Variants in NHSL1 observed in about 807,000 individuals in gnomAD.
NHSL1 encodes the protein NHS-like protein 1.
A neutral mutation model predicts 95.0 loss-of-function variants in NHSL1; 48 were observed. The ratio of observed to expected loss-of-function variants is 0.51; its 90% CI spans 0.40 to 0.64. NHSL1 has a LOEUF of 0.64. Among genes scored for constraint, NHSL1 ranks in the 30% least tolerant of loss-of-function variants. The probability of loss-of-function intolerance (pLI) is 0.00; values close to 1 mark genes in which losing one functional copy is unlikely to be tolerated. For missense variants in NHSL1, 1,971 were observed against 2,077.7 expected, an observed-to-expected ratio of 0.95 and a Z score of 1.00; for synonymous variants, 783 against 833.9, an observed-to-expected ratio of 0.94 and a Z score of 1.05.
intron 2 of NHSL1, among the ~76,000 whole-genome samples, chr6:138,489,419 T>C (rs1779898872): frequency 6.6e-6 from 1 of 152,072 alleles, no homozygotes. Flanking sequence ...AAGTCAGGAT[T>C]GGAATTTAGA....
chr6:138,476,957 TAAAAAAAAAAAAA>T (rs58311101), intron 2 of NHSL1, among the ~76,000 whole-genome samples: 62 of 100,542 alleles, frequency 6.2e-4, no homozygotes, highest in African/African-American at 8.6e-4. Context: ...TCCCTGAATC[TAAAAAAAAAAAAA>T]AAAAAAAAAA....
At chr6:138,589,640 C>T (rs76806979) in intron 1 of NHSL1, among the ~76,000 whole-genome samples, 3,398 of 152,268 alleles carry the variant, frequency 0.022, 47 homozygotes, top group East Asian at 0.079. Flanking sequence ...CTCATCTATG[C>T]CTTCCCTGTC....
At chr6:138,693,101 G>C (rs1173025233), upstream of NHSL1, among the ~76,000 whole-genome samples, 2 of 151,548 alleles carry the variant, frequency 1.3e-5, no homozygotes, top group African/African-American at 4.8e-5. The surrounding 1 kb of genome is among the most constrained non-coding windows in gnomAD (Gnocchi z 4.3). Flanking sequence ...CCGCGGCGGC[G>C]AGGGGAGCCG....
intron 1 of NHSL1, among the ~76,000 whole-genome samples, chr6:138,660,754 G>C (rs1218460428): frequency 1.3e-5 from 2 of 150,206 alleles, no homozygotes; most frequent in Non-Finnish European, 1.5e-5. Flanking sequence ...CCAGGAGTTT[G>C]AGACCAGCCT....
intron 1 of NHSL1, among the ~76,000 whole-genome samples, chr6:138,586,227 T>C (rs867231772): frequency 6.6e-6 from 1 of 152,000 alleles, no homozygotes; most frequent in African/African-American, 2.4e-5. Flanking sequence ...CCCAAATAGC[T>C]GGAATTACAG....
intron 2 of NHSL1, among the ~76,000 whole-genome samples, chr6:138,475,114 A>G (rs1336279113): frequency 4.7e-5 from 7 of 149,612 alleles, no homozygotes; most frequent in Non-Finnish European, 4.4e-5. Flanking sequence ...GCACCACTAC[A>G]CTCCAGCCTG....
At chr6:138,540,305 C>T (rs1050262622) in intron 1 of NHSL1, among the ~76,000 whole-genome samples, 5 of 152,134 alleles carry the variant, frequency 3.3e-5, no homozygotes, top group African/African-American at 1.2e-4. Context: ...TGCAATATTC[C>T]CAGGGTTGCT....
At chr6:138,612,151 A>G (rs1296418802) in intron 1 of NHSL1, among the ~76,000 whole-genome samples, 1 of 151,578 alleles carries the variant, frequency 6.6e-6, no homozygotes, top group East Asian at 1.9e-4. Flanking sequence ...ACTCTTGTAT[A>G]CATACTGCTG....
chr6:138,585,275 A>G (rs946496436), intron 1 of NHSL1, among the ~76,000 whole-genome samples: 9 of 152,298 alleles, frequency 5.9e-5, no homozygotes, highest in African/African-American at 1.9e-4. Flanking sequence ...AATATTTCCC[A>G]TCAGGGAGAT....
At chr6:138,615,133 C>T (rs1304279546) in intron 1 of NHSL1, among the ~76,000 whole-genome samples, 2 of 152,126 alleles carry the variant, frequency 1.3e-5, no homozygotes, top group African/African-American at 4.8e-5. Flanking sequence ...AACCTCAGGC[C>T]CCACAGGCTG....
intron 1 of NHSL1, among the ~76,000 whole-genome samples, chr6:138,515,262 G>A (rs910023503): frequency 1.1e-4 from 17 of 152,218 alleles, no homozygotes; most frequent in African/African-American, 4.1e-4. Context: ...GGAGACCGCT[G>A]TAAAATATCT....
At position 138,431,397 on chromosome 6, in the gene NHSL1, C is replaced by G. The variant is rs777351310; in HGVS notation, c.2948G>C (p.Cys983Ser). The G allele has an allele frequency of 1.3e-6, 2 of 1,548,404 alleles. No individual in the cohort carries two copies. Among genetic ancestry groups the G allele is most frequent in the Non-Finnish European group, 1.7e-6 (2 of 1,146,098 alleles). Reference sequence around the variant, plus strand: ...AGAAAGGCACCAATCAGGTGGGGAGCAGAAAGGAATGAGAGCTTCTGGCGG... The same window carrying G: ...AGAAAGGCACCAATCAGGTGGGGAGGAGAAAGGAATGAGAGCTTCTGGCGG... ...PPPPEALIPF[C>S]SPPDWCLSPP... The change falls in exon 6 of 8, where the codon TGC becomes TCC. Residue 983 changes from cysteine to serine, a missense_variant. Physicochemically the swap from Cys to Ser is moderately radical, Grantham distance 112 (BLOSUM62 -1). Around this residue, in one of 3 missense-constraint regions of NHSL1, gnomAD observed 1,602 missense variants for 1,654.5 expected, o/e 0.97. Transcript: ENST00000343505. This position sits in a 1 kb window ranked among gnomAD's most constrained non-coding sequence, Gnocchi z 4.0.
upstream of NHSL1, among the ~76,000 whole-genome samples, chr6:138,574,767 G>T (rs58183797): frequency 6.6e-6 from 1 of 151,960 alleles, no homozygotes; most frequent in Non-Finnish European, 1.5e-5. Context: ...TGGGAGGATC[G>T]CTTGAGCCCA....
chr6:138,658,980 A>G (rs1235619761), intron 1 of NHSL1, among the ~76,000 whole-genome samples: 1 of 151,940 alleles, frequency 6.6e-6, no homozygotes, highest in Non-Finnish European at 1.5e-5. Context: ...AAACATTGAC[A>G]TATACTGACA....
intron 1 of NHSL1, among the ~76,000 whole-genome samples, chr6:138,613,869 C>T (rs1471623087): frequency 6.6e-6 from 1 of 152,188 alleles, no homozygotes; most frequent in Non-Finnish European, 1.5e-5. Flanking sequence ...GAAGTGAATG[C>T]TGCTGCTTCT....
chr6:138,670,665 C>CAAAAAAAAAAA (rs370888768), intron 1 of NHSL1, among the ~76,000 whole-genome samples: 1 of 69,358 alleles, frequency 1.4e-5, no homozygotes, highest in East Asian at 4.7e-4. Flanking sequence ...GACTCCGTCT[C>CAAAAAAAAAAA]AAAAAAAAAA....
At chr6:138,545,359 T>G (rs1221832577) in intron 1 of NHSL1, among the ~76,000 whole-genome samples, 1 of 152,176 alleles carries the variant, frequency 6.6e-6, no homozygotes, top group Non-Finnish European at 1.5e-5. Context: ...TTTAGCTACT[T>G]TTGTCTATAA....
chr6:138,520,268 C>A (rs1322508946), intron 1 of NHSL1, among the ~76,000 whole-genome samples: 2 of 150,094 alleles, frequency 1.3e-5, no homozygotes, highest in Non-Finnish European at 3.0e-5. Context: ...GAATACGCTG[C>A]CTAGTTTAAT....
chr6:138,553,269 AT>A (rs752152681), intron 1 of NHSL1, among the ~76,000 whole-genome samples: 18 of 152,318 alleles, frequency 1.2e-4, no homozygotes, highest in South Asian at 2.1e-4. Flanking sequence ...ATTGTCTTGA[AT>A]CAGGCTATTG....
Sources: gnomAD v4.1 joint callset for allele counts (sites outside exome capture counted in the v4.1 genomes callset) on GRCh38, gnomAD v4.1.1 for gene constraint, gnomAD v4.1.1 regional missense constraint, Gnocchi (gnomAD v3.1) non-coding constraint, MANE v1.5 for transcripts, NCBI Gene and HGNC (gene_info 2026-07-23, HGNC 2026-07-21) for gene names.